Variants in CHIC2 observed in about 807,000 individuals in gnomAD.
The protein encoded by CHIC2 is cysteine rich hydrophobic domain 2.
Under a neutral mutation model 25.9 loss-of-function variants are expected in CHIC2, and 14 were observed. The observed-to-expected ratio is 0.54, with a 90% confidence interval of 0.36 to 0.85. The LOEUF (loss-of-function observed/expected upper bound fraction) is 0.85, where lower values mean the gene tolerates loss of function less well. CHIC2 is among the 40% of genes least tolerant of loss of function. The probability of loss-of-function intolerance (pLI) is 0.01; values close to 1 mark genes in which losing one functional copy is unlikely to be tolerated. For missense variants in CHIC2, 146 were observed against 202.0 expected (o/e 0.72, Z 1.68); for synonymous variants, 70 against 72.0 (o/e 0.97, Z 0.14).
At chr4:54,033,170 T>G (rs569108572) in intron 3 of CHIC2, among the ~76,000 whole-genome samples, 207 of 152,340 alleles carry the variant, frequency 1.4e-3, no homozygotes, top group African/African-American at 4.9e-3. Context: ...CATTATAAAT[T>G]ATCCAGTCTC....
chr4:54,061,773 C>T (rs1290184421), intron 1 of CHIC2, among the ~76,000 whole-genome samples: 2 of 152,014 alleles, frequency 1.3e-5, no homozygotes, highest in African/African-American at 2.4e-5. Context: ...TTACCTATGT[C>T]GCCACAAAAC....
At chr4:54,039,415 A>G (rs770424537) in intron 3 of CHIC2, among the ~76,000 whole-genome samples, 1 of 152,240 alleles carries the variant, frequency 6.6e-6, no homozygotes, top group Non-Finnish European at 1.5e-5. Flanking sequence ...AAATATTTCA[A>G]TGAACACTTT....
intron 3 of CHIC2, among the ~76,000 whole-genome samples, chr4:54,029,080 G>A (rs1221817705): frequency 2.0e-5 from 3 of 149,416 alleles, no homozygotes; most frequent in Non-Finnish European, 4.4e-5. Context: ...CCAACATCGC[G>A]CCACCGCACT....
chr4:54,013,488 CATTATAT>C (rs1444186075), intron 5 of CHIC2, among the ~76,000 whole-genome samples: 12 of 152,070 alleles, frequency 7.9e-5, no homozygotes, highest in Non-Finnish European at 4.4e-5. Context: ...ACTTGATTAG[CATTATAT>C]AAAAAAGCCA....
chr4:54,070,406 T>G, the CHIC2 span, among the ~76,000 whole-genome samples: 15 of 88,052 alleles, frequency 1.7e-4, no homozygotes, highest in South Asian at 8.5e-4. Context: ...ATTTATTTAT[T>G]TATGTATTTA....
chr4:54,069,468 T>TTGTTCA (rs1215227794), upstream of CHIC2, among the ~76,000 whole-genome samples: 8 of 152,246 alleles, frequency 5.3e-5, no homozygotes, highest in African/African-American at 1.7e-4. Flanking sequence ...GGATGAGTTC[T>TTGTTCA]TGTTCATCTC....
the CHIC2 span, among the ~76,000 whole-genome samples, chr4:54,080,942 G>GTATATATA: frequency 2.6e-3 from 262 of 101,062 alleles, 2 homozygotes; most frequent in Middle Eastern, 6.8e-3. Context: ...ATGTGTGTGT[G>GTATATATA]TATATATATA....
At chr4:54,013,935 T>C (rs1715665736) in intron 4 of CHIC2, 39 bp from the exon 5 acceptor site, 3 of 1,605,710 alleles carry the variant, frequency 1.9e-6, no homozygotes, top group Non-Finnish European at 2.6e-6. Context: ...AAATGAGCTC[T>C]ATTTTATTGC....
intron 1 of CHIC2, among the ~76,000 whole-genome samples, chr4:54,054,951 C>G (rs1448211462): frequency 2.0e-5 from 3 of 152,120 alleles, no homozygotes; most frequent in African/African-American, 7.2e-5. Context: ...TGGGCCAGAT[C>G]AGGGAGGGTC....
intron 3 of CHIC2, among the ~76,000 whole-genome samples, chr4:54,044,668 A>T: frequency 6.6e-6 from 1 of 152,170 alleles, no homozygotes; most frequent in Non-Finnish European, 1.5e-5. Flanking sequence ...GGAAATTTAT[A>T]GCACTAAATA....
intron 3 of CHIC2, among the ~76,000 whole-genome samples, chr4:54,043,079 G>A (rs1433232432): frequency 6.6e-6 from 1 of 152,096 alleles, no homozygotes; most frequent in African/African-American, 2.4e-5. Context: ...GAGAGGCCAA[G>A]GAGGGCAGAC....
chr4:54,055,703 T>C (rs1285756998), intron 1 of CHIC2, among the ~76,000 whole-genome samples: 2 of 152,180 alleles, frequency 1.3e-5, no homozygotes, highest in African/African-American at 4.8e-5. Flanking sequence ...AATGTTGAAC[T>C]TTGAGCTCAA....
chr4:54,014,142 G>A, intron 3 of CHIC2, 23 bp from the exon 4 acceptor site: 1 of 1,610,904 alleles, frequency 6.2e-7, no homozygotes, highest in Non-Finnish European at 8.5e-7. Flanking sequence ...TGAGAAAAAA[G>A]TTTACTCTTG....
At chr4:54,088,223 C>T in the CHIC2 span, among the ~76,000 whole-genome samples, 3 of 151,962 alleles carry the variant, frequency 2.0e-5, no homozygotes, top group Non-Finnish European at 2.9e-5. Flanking sequence ...TAAAACAGCC[C>T]ATCCTCTGCA....
At chr4:54,035,514 G>C (rs529428048) in intron 3 of CHIC2, among the ~76,000 whole-genome samples, 323 of 152,174 alleles carry the variant, frequency 2.1e-3, no homozygotes, top group Non-Finnish European at 2.4e-3. Flanking sequence ...TGAATTACAG[G>C]CATACAGTTT....
the CHIC2 span, among the ~76,000 whole-genome samples, chr4:54,071,712 C>T: frequency 6.6e-6 from 1 of 152,222 alleles, no homozygotes; most frequent in Non-Finnish European, 1.5e-5. Flanking sequence ...CAATGGCTCA[C>T]GCCTGTAATC....
chr4:54,039,078 A>G lies in CHIC2; in HGVS notation c.330+9877T>C, dbSNP rs1004667766. On this transcript the variant is annotated intron_variant, in intron 3 of 5. Transcript: ENST00000263921. Reference sequence around the variant, plus strand: ...CTAGAAAGTGATATGCAAAAAAAAAAAATTTCACCCATACCTCACACTCAT... The same window carrying G: ...CTAGAAAGTGATATGCAAAAAAAAAGAATTTCACCCATACCTCACACTCAT... Among the ~76,000 whole-genome samples the G allele has an allele frequency of 5.9e-5, 9 of 152,170 alleles. 1 individual carries two copies. The highest frequency in any genetic ancestry group is 2.9e-5 in the Non-Finnish European group (2 of 68,034).
chr4:54,089,969 T>TA, the CHIC2 span, among the ~76,000 whole-genome samples: 1 of 152,208 alleles, frequency 6.6e-6, no homozygotes, highest in African/African-American at 2.4e-5. Context: ...AAATATTGTA[T>TA]AAAAAACTTT....
intron 3 of CHIC2, among the ~76,000 whole-genome samples, chr4:54,040,765 CT>C (rs1716550958): frequency 6.8e-6 from 1 of 147,212 alleles, no homozygotes; most frequent in African/African-American, 2.5e-5. Context: ...GTAATCCCAG[CT>C]ACTCAGGAGG....
Sources: gnomAD v4.1 joint callset for allele counts (sites outside exome capture counted in the v4.1 genomes callset) on GRCh38, gnomAD v4.1.1 for gene constraint, MANE v1.5 for transcripts, NCBI Gene and HGNC (gene_info 2026-07-23, HGNC 2026-07-21) for gene names.